The following SLC7A5 variants were observed in gnomAD, a reference collection of about 807,000 sequenced individuals.
SLC7A5 encodes the protein large neutral amino acids transporter small subunit 1.
SLC7A5 carries 23 observed loss-of-function variants against 50.2 expected under a neutral mutation model. The ratio of observed to expected loss-of-function variants is 0.46; its 90% CI spans 0.33 to 0.65. SLC7A5 has a LOEUF of 0.65. Ranked by LOEUF, SLC7A5 falls within the 30% of genes least tolerant of loss-of-function variation. The pLI is 0.02. For synonymous variants in SLC7A5, 393 were observed against 330.6 expected, an observed-to-expected ratio of 1.19 and a Z score of -2.05; for missense variants, 578 against 684.4, an observed-to-expected ratio of 0.84 and a Z score of 1.73.
At chr16:87,838,290 C>CT (rs1395630907) in intron 6 of SLC7A5, among the ~76,000 whole-genome samples, 37 of 117,266 alleles carry the variant, frequency 3.2e-4, no homozygotes, top group African/African-American at 1.3e-3. Context: ...CTTGCTGCTG[C>CT]CTTTTTTTTT....
intron 1 of SLC7A5, among the ~76,000 whole-genome samples, chr16:87,865,616 A>T (rs2055450289): frequency 6.6e-6 from 1 of 152,182 alleles, no homozygotes; most frequent in Non-Finnish European, 1.5e-5. Flanking sequence ...CTGAGGCAGG[A>T]GAGTCGCTTG....
At chr16:87,835,622 C>A (rs553408559) in intron 8 of SLC7A5, among the ~76,000 whole-genome samples, 1 of 152,166 alleles carries the variant, frequency 6.6e-6, no homozygotes, top group African/African-American at 2.4e-5. Context: ...TATAGGCGCC[C>A]GCCACCACGC....
At chr16:87,840,339 C>A (rs1487682009) in intron 4 of SLC7A5, 90 bp downstream of exon 4, 4 of 1,214,318 alleles carry the variant, frequency 3.3e-6, no homozygotes, top group Non-Finnish European at 4.9e-6. Flanking sequence ...CTGGCCTGAG[C>A]CGACCAACAG....
chr16:87,866,659 G>A (rs1179445826), intron 1 of SLC7A5, among the ~76,000 whole-genome samples: 1 of 152,110 alleles, frequency 6.6e-6, no homozygotes, highest in Non-Finnish European at 1.5e-5. Flanking sequence ...TAGAGATGGG[G>A]TTTCACCATG....
rs1232981733 is a variant in SLC7A5, at chr16:87,833,240, T to A, written c.1469-215A>T. On this transcript the variant is annotated intron_variant, in intron 9 of 9. Transcript: ENST00000261622. The surrounding 1 kb of genome is among the most constrained non-coding windows in gnomAD (Gnocchi z 6.0). ...TCAACTGAAATGCGGAAGTGCCACATCCCACTCGGCCCACCCCTCGCCTGC... is the reference window on the plus strand; with the variant it reads ...TCAACTGAAATGCGGAAGTGCCACAACCCACTCGGCCCACCCCTCGCCTGC... 1.3e-5 allele frequency among the ~76,000 whole-genome samples: 2 copies of A among 152,196 alleles called. No individual in the cohort carries two copies. Among genetic ancestry groups the A allele is most frequent in the Admixed American group, 1.3e-4 (2 of 15,284 alleles).
rs551013134 is a variant in SLC7A5 at position 87,864,877 on chromosome 16, T to C, written c.538+4008A>G. ...CTTAAGATTATGCGAGTAAACAAGC[T>C]AGCTAGGTAAACTACGCTGCCTTTC... On this transcript the variant is annotated intron_variant, in intron 1 of 9. Coordinates refer to ENST00000261622, the MANE Select transcript of SLC7A5 (RefSeq NM_003486.7). Among the ~76,000 whole-genome samples the C allele has an allele frequency of 4.6e-5, 7 of 152,364 alleles. No homozygotes were observed. The East Asian group carries it at 9.6e-4, about 21-fold the overall frequency.
intron 5 of SLC7A5, among the ~76,000 whole-genome samples, 189 bp downstream of exon 5, chr16:87,839,513 G>C (rs2055056340): frequency 6.6e-6 from 1 of 152,196 alleles, no homozygotes; most frequent in African/African-American, 2.4e-5. Flanking sequence ...ATGATCCCCA[G>C]ACACTTCCTC....
In SLC7A5 at chr16:87,833,941, T is replaced by C. The variant is rs1444455605; in HGVS notation, c.1468+473A>G. Among the ~76,000 whole-genome samples, 59 of 151,326 alleles carry C rather than the reference T, an allele frequency of 3.9e-4. No individual in the cohort carries two copies. The highest frequency in any genetic ancestry group is 2.7e-3 in the South Asian group (13 of 4,778). On this transcript the variant is annotated intron_variant, in intron 9 of 9. Transcript: ENST00000261622. This position sits in a 1 kb window ranked among gnomAD's most constrained non-coding sequence, Gnocchi z 6.0. ...CGATCTCGGCTCACTGCAACCTCCGTCTCCCGGGTTCAAGTGATTCTCCTG... is the reference window on the plus strand; with the variant it reads ...CGATCTCGGCTCACTGCAACCTCCGCCTCCCGGGTTCAAGTGATTCTCCTG...
chr16:87,841,284 G>A lies in SLC7A5; in HGVS notation c.665-129C>T. 1.4e-6 allele frequency: 1 copy of A among 698,464 alleles called. No individual in the cohort carries two copies. Among genetic ancestry groups the A allele is most frequent in the East Asian group, 2.8e-5 (1 of 36,026 alleles). The allele number at this position is 698,464 out of a possible 1,614,324, so 43.3% of individuals were successfully genotyped here. A position where few individuals can be genotyped will look rare whatever the true frequency, so the allele number is the denominator to read the frequency against. ...TGCTGGAGTGAAGGCTTTTCACTGT[G>A]ACAAATGGTATGTACCTGCTGAGCC... On this transcript the variant is annotated intron_variant, in intron 2 of 9. Transcript: ENST00000261622. This position sits in a 1 kb window ranked among gnomAD's most constrained non-coding sequence, Gnocchi z 4.8.
At chr16:87,842,132 G>A (rs762276263) in intron 2 of SLC7A5, among the ~76,000 whole-genome samples, 28 of 152,218 alleles carry the variant, frequency 1.8e-4, no homozygotes, top group Non-Finnish European at 3.4e-4. Context: ...CCGGAACAAA[G>A]GAGCCGGGTC....
At chr16:87,863,042 C>T (rs758809441) in intron 1 of SLC7A5, among the ~76,000 whole-genome samples, 1 of 152,218 alleles carries the variant, frequency 6.6e-6, no homozygotes, top group South Asian at 2.1e-4. Flanking sequence ...CTCAGCAGCC[C>T]CCCATGCTTC....
intron 4 of SLC7A5, 71 bp downstream of exon 4, chr16:87,840,358 T>A: frequency 1.5e-6 from 2 of 1,349,446 alleles, no homozygotes; most frequent in Non-Finnish European, 2.1e-6. Context: ...AGGCTTCGAG[T>A]GGAATGTGGC....
Position 87,852,372 on chromosome 16 carries a change from A to G in SLC7A5, c.539-523T>C, listed in dbSNP as rs963020010. 5.3e-5 allele frequency among the ~76,000 whole-genome samples: 8 copies of G among 152,040 alleles called. No individual in the cohort carries two copies. Among genetic ancestry groups the G allele is most frequent in the Admixed American group, 3.9e-4 (6 of 15,272 alleles). On this transcript the variant is annotated intron_variant, in intron 1 of 9. Transcript: ENST00000261622. The surrounding 1 kb of genome is among the most constrained non-coding windows in gnomAD (Gnocchi z 4.5). ...TGGGGTGTCCCGCTTTCCCGGAACTACCTGGCCAGTCACCTGGGGACGGCA... is the reference window on the plus strand; with the variant it reads ...TGGGGTGTCCCGCTTTCCCGGAACTGCCTGGCCAGTCACCTGGGGACGGCA...
chr16:87,834,569 A>C lies in SLC7A5; in HGVS notation c.1313T>G (p.Phe438Cys), dbSNP rs2054973360. The change falls in exon 9 of 10, where the codon TTC (phenylalanine) becomes TGC (cysteine). Residue 438 changes from phenylalanine to cysteine, a missense_variant. Phe to Cys is a radical substitution (Grantham distance 205). Coordinates refer to ENST00000261622, the MANE Select transcript of SLC7A5 (RefSeq NM_003486.7). ...CAGGAAGAGGCAGGCCAGGATGAAGAACACAGGCAGGGCCAGGTTCACCTG... is the reference window on the plus strand; with the variant it reads ...CAGGAAGAGGCAGGCCAGGATGAAGCACACAGGCAGGGCCAGGTTCACCTG... ...PIKVNLALPV[F>C]FILACLFLIA... The C allele has an allele frequency of 6.3e-7, 1 of 1,595,672 alleles. No individual in the cohort carries two copies. Among genetic ancestry groups the C allele is most frequent in the East Asian group, 2.3e-5 (1 of 44,198 alleles).
chr16:87,833,496 G>A lies in SLC7A5; in HGVS notation c.1469-471C>T, dbSNP rs1475100496. On this transcript the variant is annotated intron_variant, in intron 9 of 9. Transcript: ENST00000261622. The surrounding 1 kb of genome is among the most constrained non-coding windows in gnomAD (Gnocchi z 6.0). Reference sequence around the variant, plus strand: ...GGACTGTCTACAGAGACATCACTCTGTGGAGGGGGACTGCTTTCAGGATAG... The same window carrying A: ...GGACTGTCTACAGAGACATCACTCTATGGAGGGGGACTGCTTTCAGGATAG... 6.6e-6 allele frequency among the ~76,000 whole-genome samples: 1 copy of A among 152,202 alleles called. No homozygotes were observed. Among genetic ancestry groups the A allele is most frequent in the African/African-American group, 2.4e-5 (1 of 41,444 alleles).
rs1249199618 is a variant in SLC7A5 at position 87,860,561 on chromosome 16, C to T, written c.538+8324G>A. ...TCTGTCCTTGTAGGAGGTATGAACT[C>T]CAGCTGTGGCCCACCCCCTGGGGCA... On this transcript the variant is annotated intron_variant, in intron 1 of 9. Transcript: ENST00000261622. The surrounding 1 kb of genome is among the most constrained non-coding windows in gnomAD (Gnocchi z 4.8). Among the ~76,000 whole-genome samples the T allele has an allele frequency of 6.7e-6, 1 of 148,554 alleles. No homozygotes were observed. Among genetic ancestry groups the T allele is most frequent in the Non-Finnish European group, 1.5e-5 (1 of 67,816 alleles).
At chr16:87,840,336 G>T in intron 4 of SLC7A5, 93 bp downstream of exon 4, 1 of 1,186,540 alleles carries the variant, frequency 8.4e-7, no homozygotes, top group Non-Finnish European at 1.3e-6. Flanking sequence ...GAACTGGCCT[G>T]AGCCGACCAA....
chr16:87,853,132 C>T lies in SLC7A5; in HGVS notation c.539-1283G>A, dbSNP rs141451338. On this transcript the variant is annotated intron_variant, in intron 1 of 9. Transcript: ENST00000261622. The surrounding 1 kb of genome is among the most constrained non-coding windows in gnomAD (Gnocchi z 4.4). ...TCTCTCTTTCCCCTTGGGAGTAACGCTCAGAAAGGTCTGGCCAGCCAAGGC... is the reference window on the plus strand; with the variant it reads ...TCTCTCTTTCCCCTTGGGAGTAACGTTCAGAAAGGTCTGGCCAGCCAAGGC... Among the ~76,000 whole-genome samples the T allele has an allele frequency of 2.6e-5, 4 of 152,364 alleles. No homozygotes were observed. The East Asian group carries it at 5.8e-4, about 22-fold the overall frequency.
chr16:87,863,829 C>T (rs1033548876), intron 1 of SLC7A5, among the ~76,000 whole-genome samples: 2 of 151,654 alleles, frequency 1.3e-5, no homozygotes, highest in Admixed American at 6.6e-5. Flanking sequence ...TATACCCTCT[C>T]CCAAGGCAGC....
Sources: allele counts gnomAD v4.1 joint callset (sites outside exome capture counted in the v4.1 genomes callset), GRCh38; gene constraint gnomAD v4.1.1; non-coding constraint Gnocchi (gnomAD v3.1); transcripts MANE v1.5; gene names NCBI Gene and HGNC (gene_info 2026-07-23, HGNC 2026-07-21).